Variants in MKI67 observed in about 807,000 individuals in gnomAD.
MKI67 encodes the protein proliferation marker protein Ki-67.
MKI67 carries 152 observed loss-of-function variants against 233.5 expected under a neutral mutation model. The observed-to-expected ratio is 0.65, with a 90% CI of 0.57 to 0.74. The LOEUF is 0.74. MKI67 is among the 30% of genes least tolerant of loss of function. MKI67 has a pLI of 0.00. For missense variants in MKI67, 3,940 were observed against 3,885.2 expected, an observed-to-expected ratio of 1.01 and a Z score of -0.37; for synonymous variants, 1,465 against 1,418.5, an observed-to-expected ratio of 1.03 and a Z score of -0.74.
At chr10:128,118,422 A>T (rs1057312242) in intron 5 of MKI67, among the ~76,000 whole-genome samples, 2 of 151,634 alleles carry the variant, frequency 1.3e-5, no homozygotes, top group Non-Finnish European at 2.9e-5. Context: ...AAAAAGGCAG[A>T]AATGTTGAAA....
chr10:128,121,661 C>T (rs1368634056), intron 4 of MKI67, among the ~76,000 whole-genome samples: 1 of 148,290 alleles, frequency 6.7e-6, no homozygotes, highest in Non-Finnish European at 1.5e-5. Flanking sequence ...TTACACAAGG[C>T]AGATTAGTAA....
chr10:128,115,735 G>C lies in MKI67; in HGVS notation c.673C>G (p.Gln225Glu), dbSNP rs370668284. 36 of 1,613,658 alleles carry C rather than the reference G, an allele frequency of 2.2e-5. 1 individual carries two copies. The South Asian group carries it at 3.8e-4, about 17-fold the overall frequency. Residue 225 changes from glutamine (Q) to glutamate (E), a missense_variant, in exon 7 of 15, where the codon CAA becomes GAA. Gln to Glu is a conservative substitution (Grantham distance 29, BLOSUM62 2). Coordinates refer to ENST00000368654, the MANE Select transcript of MKI67 (RefSeq NM_002417.5). ...YGELKSVPTTQCLDNSKKNES... is the reference protein window; with the variant it reads ...YGELKSVPTTECLDNSKKNES... ...TTTTTTTTGCTATTGTCAAGACATT[G>C]TGTAGTGGGAACAGACTTCAATTCT...
rs866037609 is a variant in MKI67, at chr10:128,115,966, C to T, written c.442G>A (p.Glu148Lys). The T allele has an allele frequency of 9.3e-6, 15 of 1,606,634 alleles. No individual in the cohort carries two copies. The highest frequency in any genetic ancestry group is 1.2e-5 in the Non-Finnish European group (14 of 1,178,324). The part of the protein sequence containing the change: ...QDSKAYSKIT[E>K]GKVSGNPQVH... ...TGAGGATTTCCTGAAACTTTTCCTTCAGTGATTTTTGAATAGGCCTTGGAA... is the reference window on the plus strand; with the variant it reads ...TGAGGATTTCCTGAAACTTTTCCTTTAGTGATTTTTGAATAGGCCTTGGAA... Residue 148 changes from glutamate to lysine, a missense_variant, in exon 7 of 15, where the codon GAA (glutamate) becomes AAA (lysine). Transcript: ENST00000368654.
rs773793477 is a variant in MKI67, at chr10:128,115,505, G to C, written c.903C>G (p.His301Gln). The C allele has an allele frequency of 5.0e-6, 8 of 1,614,044 alleles. No homozygotes were observed. Among genetic ancestry groups the C allele is most frequent in the Middle Eastern group, 1.6e-4 (1 of 6,084 alleles). ...KSRPKSGGSGHAVAEPASPEQ... is the reference protein window; with the variant it reads ...KSRPKSGGSGQAVAEPASPEQ... ...CAGGTGAAGCAGGCTCTGCCACAGC[G>C]TGGCCGCTCCCACCAGATTTTGGTC... The change falls in exon 7 of 15, where the codon CAC (histidine) becomes CAG (glutamine). Residue 301 changes from histidine to glutamine, a missense_variant. His to Gln is a conservative substitution (Grantham distance 24, BLOSUM62 0). Coordinates refer to ENST00000368654, the MANE Select transcript of MKI67 (RefSeq NM_002417.5).
rs1439476379 is a variant in MKI67 at position 128,126,176 on chromosome 10, G to A, written c.-167C>T. The A allele has an allele frequency of 6.3e-6, 1 of 158,018 alleles. No individual in the cohort carries two copies. The highest frequency in any genetic ancestry group is 1.4e-5 in the Non-Finnish European group (1 of 72,012). 9.8% of individuals were successfully genotyped at this position (158,018 alleles called of 1,614,324 possible). On this transcript the variant is annotated 5_prime_UTR_variant, in exon 1 of 15. Transcript: ENST00000368654. ...GCACCCAAAGTCCGCCGCAGGAGGA[G>A]CCGGCGCCGCGCTCACCTCCGCCCG... is the stretch of plus-strand genomic sequence containing the variant.
Position 128,115,456 on chromosome 10 carries a change from C to G in MKI67, c.952G>C (p.Gly318Arg). The change falls in exon 7 of 15, where the codon GGG (glycine) becomes CGG (arginine). Residue 318 changes from glycine (G) to arginine (R), a missense_variant. Transcript: ENST00000368654. ...ACAGACTCCACGTCTCTTCCCTTCC[C>G]CTTGTTCTGGTCAAGCTCTTGTTCA... Reference protein sequence around the residue: ...SPEQELDQNKGKGRDVESVQT... With the variant: ...SPEQELDQNKRKGRDVESVQT... The G allele has an allele frequency of 1.9e-6, 3 of 1,613,888 alleles. No individual in the cohort carries two copies. The highest frequency in any genetic ancestry group is 2.5e-6 in the Non-Finnish European group (3 of 1,179,938).
chr10:128,123,103 G>A lies in MKI67; in HGVS notation c.159C>T (p.Ile53=). 1 of 1,613,670 alleles carries A rather than the reference G, an allele frequency of 6.2e-7. No individual in the cohort carries two copies. Among genetic ancestry groups the A allele is most frequent in the South Asian group, 1.1e-5 (1 of 91,056 alleles). The change falls in exon 3 of 15, where the codon ATC becomes ATT. Residue 53 remains isoleucine (I), a synonymous_variant. Coordinates refer to ENST00000368654, the MANE Select transcript of MKI67 (RefSeq NM_002417.5). ...AAAACCCACTCACCTCCTGCTCATG[G>A]ATTTCAATTTTGCAATGTTGTTTTG... ...VVSKQHCKIE[I]HEQEAILHNF...
In MKI67 at chr10:128,105,015, A is replaced by T. The variant is rs1234899527; in HGVS notation, c.6825T>A (p.Asp2275Glu). 8 of 1,611,728 alleles carry T rather than the reference A, an allele frequency of 5.0e-6. No individual in the cohort carries two copies. Among genetic ancestry groups the T allele is most frequent in the Non-Finnish European group, 6.8e-6 (8 of 1,179,540 alleles). The change falls in exon 13 of 15, where the codon GAT becomes GAA. Residue 2275 changes from aspartate (D) to glutamate (E), a missense_variant. Transcript: ENST00000368654. ...AMDTPKPAGG[D>E]EKDMKAFMGT... ...CCATAAATGCTTTCATGTCTTTCTC[A>T]TCACCTCCTGCTGGTTTGGGTGTGT...
intron 11 of MKI67, 61 bp downstream of exon 11, chr10:128,111,584 A>T: frequency 7.0e-7 from 1 of 1,428,320 alleles, no homozygotes; most frequent in Non-Finnish European, 9.5e-7. Flanking sequence ...CAAAACAAAC[A>T]TTAACACAGT....
intron 6 of MKI67, among the ~76,000 whole-genome samples, chr10:128,116,213 C>A (rs1017720994): frequency 9.2e-5 from 14 of 152,222 alleles, no homozygotes; most frequent in African/African-American, 2.7e-4. Flanking sequence ...CTCCAATAAC[C>A]AGTATGAAAT....
rs1227918398 is a variant in MKI67, at chr10:128,111,726, C to T, written c.2179G>A (p.Val727Ile). ...IIIGKAHTEK[V>I]HVPARPYRVL... ...CTGTAGGGTCGAGCAGGCACATGTA[C>T]TTTTTCAGTATGAGCTTTCCCTATT... Residue 727 changes from valine to isoleucine, a missense_variant, in exon 11 of 15, where the codon GTA becomes ATA. Transcript: ENST00000368654. The T allele has an allele frequency of 4.3e-6, 7 of 1,614,024 alleles. No individual in the cohort carries two copies. The Admixed American group carries it at 1.2e-4, about 27-fold the overall frequency.
In MKI67 at chr10:128,111,911, T is replaced by C; in HGVS notation, c.2088+16A>G. 6.2e-7 allele frequency: 1 copy of C among 1,607,166 alleles called. No homozygotes were observed. Among genetic ancestry groups the C allele is most frequent in the Non-Finnish European group, 8.5e-7 (1 of 1,176,840 alleles). On this transcript the variant is annotated intron_variant, in intron 10 of 14. Transcript: ENST00000368654. ...ACACCGGTATGTGTAAAGCAGCCAT[T>C]CAGTGAGGCCCCTACCTTTGGAGTA...
intron 5 of MKI67, among the ~76,000 whole-genome samples, chr10:128,117,258 T>A (rs959898439): frequency 6.6e-6 from 1 of 152,242 alleles, no homozygotes; most frequent in Non-Finnish European, 1.5e-5. Context: ...TTCTCATAAA[T>A]GGGCCATAGG....
rs767617061 is a variant in MKI67, at chr10:128,106,297, G to A, written c.5543C>T (p.Thr1848Met). 1.7e-5 allele frequency: 28 copies of A among 1,613,810 alleles called. No homozygotes were observed. The highest frequency in any genetic ancestry group is 1.4e-4 in the South Asian group (13 of 91,076). ...LFQTPCTDNP[T>M]TDEKTTKKIL... ...TTTTTTGGTAGTTTTCTCATCAGTC[G>A]TGGGGTTATCAGTGCATGGTGTCTG... Residue 1848 changes from threonine (T) to methionine (M), a missense_variant, in exon 13 of 15, where the codon ACG becomes ATG. Physicochemically the swap from Thr to Met is moderately conservative, Grantham distance 81. Coordinates refer to ENST00000368654, the MANE Select transcript of MKI67 (RefSeq NM_002417.5).
chr10:128,121,788 T>A (rs1392823728), intron 4 of MKI67, among the ~76,000 whole-genome samples: 1 of 151,344 alleles, frequency 6.6e-6, no homozygotes, highest in African/African-American at 2.4e-5. Flanking sequence ...TTATTGTATA[T>A]ATTAAACATT....
chr10:128,106,643 T>C lies in MKI67; in HGVS notation c.5197A>G (p.Thr1733Ala). 6.2e-7 allele frequency: 1 copy of C among 1,614,126 alleles called. No homozygotes were observed. Among genetic ancestry groups the C allele is most frequent in the Non-Finnish European group, 8.5e-7 (1 of 1,180,016 alleles). Residue 1733 changes from threonine to alanine, a missense_variant, in exon 13 of 15, where the codon ACC becomes GCC. Thr to Ala is a moderately conservative substitution (Grantham distance 58). Coordinates refer to ENST00000368654, the MANE Select transcript of MKI67 (RefSeq NM_002417.5). ...TKESMTNEKTTKVSYRASQPD... is the reference protein window; with the variant it reads ...TKESMTNEKTAKVSYRASQPD... ...TGTGAAGCTCTGTAGGATACTTTGG[T>C]AGTTTTTTCGTTAGTCATTGATTCC...
chr10:128,111,653 T>G lies in MKI67; in HGVS notation c.2252A>C (p.Asp751Ala). The change falls in exon 11 of 15, where the codon GAT becomes GCT. Residue 751 changes from aspartate to alanine, a missense_variant. By Grantham distance (126) the Asp-to-Ala change is moderately radical. Coordinates refer to ENST00000368654, the MANE Select transcript of MKI67 (RefSeq NM_002417.5). ...TAAGACTACGTTTTTACCTGAAAGA[T>G]CTTCCTTAAAGTCCATTTTTTGGTT... ...ISNQKMDFKE[D>A]LSGIAEMFKT... 1 of 1,610,500 alleles carries G rather than the reference T, an allele frequency of 6.2e-7. No homozygotes were observed. Among genetic ancestry groups the G allele is most frequent in the Non-Finnish European group, 8.5e-7 (1 of 1,178,926 alleles).
chr10:128,099,530 A>G (rs1852288450), intron 14 of MKI67, among the ~76,000 whole-genome samples: 1 of 152,236 alleles, frequency 6.6e-6, no homozygotes. Flanking sequence ...AATTCATAAT[A>G]AAATTTCTTC....
Position 128,104,582 on chromosome 10 carries a change from T to C in MKI67, c.7258A>G (p.Ser2420Gly), listed in dbSNP as rs1450487721. 1.9e-6 allele frequency: 3 copies of C among 1,614,000 alleles called. No homozygotes were observed. The highest frequency in any genetic ancestry group is 2.5e-6 in the Non-Finnish European group (3 of 1,180,022). ...KLDLLGNLPG[S>G]KRQPQTPKEK... ...TTAGGAGTCTGTGGCTGTCTCTTGC[T>C]GCCAGGTAAATTTCCTAGCAGGTCC... Residue 2420 changes from serine (S) to glycine (G), a missense_variant, in exon 13 of 15, where the codon AGC (serine) becomes GGC (glycine). By Grantham distance (56) the Ser-to-Gly change is moderately conservative. Coordinates refer to ENST00000368654, the MANE Select transcript of MKI67 (RefSeq NM_002417.5).
Sources: allele counts gnomAD v4.1 joint callset (sites outside exome capture counted in the v4.1 genomes callset), GRCh38; gene constraint gnomAD v4.1.1; transcripts MANE v1.5; gene names NCBI Gene and HGNC (gene_info 2026-07-23, HGNC 2026-07-21).